Variants in GLIS3 observed in about 807,000 individuals in gnomAD.
GLIS3 encodes the protein zinc finger protein GLIS3.
A neutral mutation model predicts 78.6 loss-of-function variants in GLIS3; 53 were observed. The observed-to-expected ratio is 0.67, with a 90% CI of 0.54 to 0.85. GLIS3 has a LOEUF of 0.85. Ranked by LOEUF, GLIS3 falls within the 40% of genes least tolerant of loss-of-function variation. The probability of loss-of-function intolerance (pLI) is 0.00; values close to 1 mark genes in which losing one functional copy is unlikely to be tolerated. For synonymous variants in GLIS3, 684 were observed against 509.9 expected (o/e 1.34, Z -4.60); for missense variants, 1,703 against 1,231.1 (o/e 1.38, Z -5.74).
At chr9:4,408,156 G>T in the GLIS3 span, among the ~76,000 whole-genome samples, 1 of 152,090 alleles carries the variant, frequency 6.6e-6, no homozygotes, top group African/African-American at 2.4e-5. Flanking sequence ...ACCCTCGTAC[G>T]CTGTCAGTGG....
the GLIS3 span, among the ~76,000 whole-genome samples, chr9:4,399,189 A>T: frequency 2.6e-5 from 4 of 152,204 alleles, no homozygotes; most frequent in African/African-American, 9.7e-5. Context: ...GAAATGATAA[A>T]TGTTTGGGAT....
chr9:4,049,632 G>A (rs150888173), intron 4 of GLIS3, among the ~76,000 whole-genome samples: 9 of 152,146 alleles, frequency 5.9e-5, no homozygotes, highest in Non-Finnish European at 1.0e-4. Flanking sequence ...AAGAATCTTC[G>A]GAGGAATGAC....
At chr9:4,464,425 T>C in the GLIS3 span, among the ~76,000 whole-genome samples, 11 of 151,996 alleles carry the variant, frequency 7.2e-5, no homozygotes, top group Non-Finnish European at 1.5e-5. Flanking sequence ...GACAGAGTCT[T>C]GCTCTGTCAC....
chr9:4,067,753 A>T (rs1469972651), intron 4 of GLIS3, among the ~76,000 whole-genome samples: 1 of 152,010 alleles, frequency 6.6e-6, no homozygotes, highest in African/African-American at 2.4e-5. Flanking sequence ...ATAGGAGAGA[A>T]AACAAATTAA....
At position 4,271,878 on chromosome 9, in the gene GLIS3, T is replaced by C. The variant is rs527614666; in HGVS notation, c.388+14160A>G. Among the ~76,000 whole-genome samples the C allele has an allele frequency of 1.4e-4, 21 of 152,326 alleles. No individual in the cohort carries two copies. The East Asian group carries it at 3.1e-3, about 22-fold the overall frequency. The stretch of plus-strand genomic sequence containing the variant: ...GGGGTCGGAGCAAACCTGGATTCAG[T>C]TCCCAGCTTTGCCACATATTGGCCA... On this transcript the variant is annotated intron_variant, in intron 2 of 10. Transcript: ENST00000381971.
rs146358871 is a variant in GLIS3 at position 4,166,677 on chromosome 9, G to T, written c.389-40736C>A. On this transcript the variant is annotated intron_variant, in intron 2 of 10. Transcript: ENST00000381971. ...CAGTTGGCACTATTTATGATTTTCGGTGTTCTATAATTTCACTTAAGGATT... is the reference window on the plus strand; with the variant it reads ...CAGTTGGCACTATTTATGATTTTCGTTGTTCTATAATTTCACTTAAGGATT... Among the ~76,000 whole-genome samples the T allele has an allele frequency of 2.0e-5, 3 of 152,180 alleles. No homozygotes were observed. The South Asian group carries it at 6.2e-4, about 32-fold the overall frequency.
At chr9:3,860,226 G>A (rs535794617) in intron 8 of GLIS3, among the ~76,000 whole-genome samples, 23 of 117,036 alleles carry the variant, frequency 2.0e-4, no homozygotes, top group Non-Finnish European at 3.1e-4. Flanking sequence ...AATGAGCTGA[G>A]ATAGTGACAC....
At chr9:4,437,945 T>C in the GLIS3 span, among the ~76,000 whole-genome samples, 1 of 152,246 alleles carries the variant, frequency 6.6e-6, no homozygotes, top group East Asian at 1.9e-4. Flanking sequence ...CTGTTTATGT[T>C]ACTAACAAGG....
intron 2 of GLIS3, among the ~76,000 whole-genome samples, chr9:4,271,906 T>A (rs1221555054): frequency 6.6e-6 from 1 of 152,226 alleles, no homozygotes; most frequent in African/African-American, 2.4e-5. Flanking sequence ...ATTGGCCATG[T>A]GACCGTGGCT....
chr9:4,044,951 A>G (rs147010022), intron 4 of GLIS3, among the ~76,000 whole-genome samples: 3 of 152,312 alleles, frequency 2.0e-5, no homozygotes, highest in East Asian at 1.9e-4. Flanking sequence ...GCAAGGGCAG[A>G]TGTAAATTCC....
At chr9:4,177,150 CAAAACAAAACAAAACAA>C (rs920811098) in intron 2 of GLIS3, among the ~76,000 whole-genome samples, 6 of 67,834 alleles carry the variant, frequency 8.8e-5, no homozygotes, top group African/African-American at 4.6e-4. Context: ...CAAAACAAAA[CAAAACAAAACAAAACAA>C]AACAAAATCA....
Position 4,148,001 on chromosome 9 carries a change from A to G in GLIS3, c.389-22060T>C, listed in dbSNP as rs1834361960. On this transcript the variant is annotated intron_variant, in intron 2 of 10. Coordinates refer to ENST00000381971, the MANE Select transcript of GLIS3 (RefSeq NM_001042413.2). ...GTATGTATTATGTTGAAAATAAGCA[A>G]ACACATTAGCAAACCAGGATTTTTT... 1.3e-5 allele frequency among the ~76,000 whole-genome samples: 2 copies of G among 152,158 alleles called. 1 individual carries two copies. Among genetic ancestry groups the G allele is most frequent in the South Asian group, 4.1e-4 (2 of 4,822 alleles).
chr9:4,069,463 C>A (rs563903988), intron 4 of GLIS3, among the ~76,000 whole-genome samples: 1 of 152,138 alleles, frequency 6.6e-6, no homozygotes, highest in Admixed American at 6.5e-5. Flanking sequence ...AGTACATGAG[C>A]CTCAACGCAC....
chr9:3,975,139 A>G (rs1329789688), intron 4 of GLIS3: 1 of 152,166 alleles, frequency 6.6e-6, no homozygotes, highest in Non-Finnish European at 1.5e-5. Flanking sequence ...CATACCTTTC[A>G]TTTTTGTAAC....
At chr9:4,079,341 C>G (rs985519457) in intron 4 of GLIS3, among the ~76,000 whole-genome samples, 3 of 152,142 alleles carry the variant, frequency 2.0e-5, no homozygotes, top group African/African-American at 7.2e-5. Context: ...TAGTCAAAGG[C>G]AAACTAGGAA....
At chr9:4,366,635 T>G in the GLIS3 span, among the ~76,000 whole-genome samples, 3 of 152,246 alleles carry the variant, frequency 2.0e-5, no homozygotes, top group Admixed American at 1.3e-4. Context: ...AGAGCTGTTT[T>G]GAGCATAAAT....
chr9:4,069,554 T>G (rs1052523153), intron 4 of GLIS3, among the ~76,000 whole-genome samples: 1 of 152,236 alleles, frequency 6.6e-6, no homozygotes, highest in African/African-American at 2.4e-5. Flanking sequence ...AGGTTTCTTT[T>G]TAACTTATCT....
upstream of GLIS3, among the ~76,000 whole-genome samples, chr9:4,349,062 A>T (rs963064238): frequency 2.0e-5 from 3 of 152,202 alleles, no homozygotes; most frequent in Admixed American, 2.0e-4. Flanking sequence ...ATAATAGGAG[A>T]ATGCAACATA....
chr9:3,829,004 G>C (rs914088353), intron 10 of GLIS3, among the ~76,000 whole-genome samples: 1 of 152,088 alleles, frequency 6.6e-6, no homozygotes, highest in Non-Finnish European at 1.5e-5. Context: ...TTTTGGGGAG[G>C]CAATGTTCAT....
Sources: gnomAD v4.1 joint callset for allele counts (sites outside exome capture counted in the v4.1 genomes callset) on GRCh38, gnomAD v4.1.1 for gene constraint, MANE v1.5 for transcripts, NCBI Gene and HGNC (gene_info 2026-07-23, HGNC 2026-07-21) for gene names.